Variants in KANSL1 observed in about 807,000 individuals in gnomAD.
KANSL1 encodes KAT8 regulatory NSL complex subunit 1, also known as MLL1/MLL complex subunit KANSL1.
A neutral mutation model predicts 103.6 loss-of-function variants in KANSL1; 22 were observed. The observed-to-expected ratio is 0.21, with a 90% CI of 0.15 to 0.30. The LOEUF (loss-of-function observed/expected upper bound fraction) is 0.30, where lower values mean the gene tolerates loss of function less well. KANSL1 is among the 10% of genes least tolerant of loss of function. KANSL1 has a pLI of 1.00. For synonymous variants in KANSL1, 600 were observed against 527.6 expected (o/e 1.14, Z -1.88); for missense variants, 1,337 against 1,399.8 (o/e 0.96, Z 0.72).
At chr17:46,123,554 G>A (rs1255954420) in intron 2 of KANSL1, among the ~76,000 whole-genome samples, 2 of 152,176 alleles carry the variant, frequency 1.3e-5, no homozygotes, top group South Asian at 2.1e-4. Context: ...CACACAAATC[G>A]TAAGCAAGAG....
chr17:46,140,341 T>C (rs1040486716), intron 2 of KANSL1, among the ~76,000 whole-genome samples: 1 of 152,100 alleles, frequency 6.6e-6, no homozygotes, highest in African/African-American at 2.4e-5. Flanking sequence ...CAACTGAATA[T>C]CCACTATCCA....
At chr17:46,225,071 G>A (rs1165678596), upstream of KANSL1, among the ~76,000 whole-genome samples, 3 of 151,684 alleles carry the variant, frequency 2.0e-5, no homozygotes, top group African/African-American at 7.2e-5. Context: ...CAGTCGGCCG[G>A]CAGCCGGCGT....
intron 1 of KANSL1, among the ~76,000 whole-genome samples, chr17:46,183,473 G>A (rs951725494): frequency 6.6e-6 from 1 of 152,106 alleles, no homozygotes; most frequent in African/African-American, 2.4e-5. Flanking sequence ...CTGGCGGGTG[G>A]AGGTCGCAGT....
intron 7 of KANSL1, among the ~76,000 whole-genome samples, chr17:46,049,240 C>CTTTTTT (rs34418861): frequency 6.6e-4 from 50 of 75,782 alleles, no homozygotes; most frequent in Non-Finnish European, 7.6e-4. Context: ...CATCCAAGAC[C>CTTTTTT]TTTTTTTTTT....
chr17:46,156,516 CCCT>C (rs1290886721), intron 2 of KANSL1, among the ~76,000 whole-genome samples: 2 of 152,326 alleles, frequency 1.3e-5, no homozygotes, highest in South Asian at 2.1e-4. Flanking sequence ...TCTAACCACT[CCCT>C]CCTCCTAAGA....
At chr17:46,074,079 G>A (rs963551030) in intron 4 of KANSL1, among the ~76,000 whole-genome samples, 1 of 152,094 alleles carries the variant, frequency 6.6e-6, no homozygotes, top group Non-Finnish European at 1.5e-5. Flanking sequence ...TGACACTTAC[G>A]AAGTAACAAT....
chr17:46,077,585 TCTCA>T (rs1170268552), intron 4 of KANSL1, among the ~76,000 whole-genome samples: 1 of 152,120 alleles, frequency 6.6e-6, no homozygotes, highest in African/African-American at 2.4e-5. Flanking sequence ...TGAGACGGAG[TCTCA>T]CTCTGTTGCC....
chr17:46,095,389 C>G lies in KANSL1; in HGVS notation c.1290-688G>C, dbSNP rs562520331. ...AAGAAATTTGCAAGAAGGCATGATG[C>G]AAATACACATTACCAGACAGCCAGA... On this transcript the variant is annotated intron_variant, in intron 2 of 14. Coordinates refer to ENST00000432791, the MANE Select transcript of KANSL1 (RefSeq NM_015443.4). 9.2e-5 allele frequency among the ~76,000 whole-genome samples: 14 copies of G among 152,202 alleles called. No individual in the cohort carries two copies. In the East Asian group the frequency reaches 2.7e-3, roughly 29 times the overall value.
At chr17:46,081,011 T>A (rs921270125) in intron 4 of KANSL1, among the ~76,000 whole-genome samples, 2 of 152,154 alleles carry the variant, frequency 1.3e-5, no homozygotes, top group Non-Finnish European at 2.9e-5. Context: ...AGTAAATGAA[T>A]GAAGGGTAGG....
At position 46,031,295 on chromosome 17, in the gene KANSL1, GAAACAAAAACA is replaced by G. The variant is rs1367349996; in HGVS notation, c.*170_*180del. ...CTCAGGTGTGTGACAAGAAAACATG[GAAACAAAAACA>G]AAACAAAAATTAAAACAAGAAAAAA... On this transcript the variant is annotated 3_prime_UTR_variant, in exon 15 of 15. Transcript: ENST00000432791. 6 of 671,368 alleles carry G rather than the reference GAAACAAAAACA, an allele frequency of 8.9e-6. No individual in the cohort carries two copies. The highest frequency in any genetic ancestry group is 5.5e-5 in the African/African-American group (3 of 54,980). 41.6% of individuals were successfully genotyped at this position (671,368 alleles called of 1,614,324 possible). A position where few individuals can be genotyped will look rare whatever the true frequency, so the allele number is the denominator to read the frequency against.
At chr17:46,185,763 T>C (rs2147870383) in intron 1 of KANSL1, among the ~76,000 whole-genome samples, 1 of 151,330 alleles carries the variant, frequency 6.6e-6, no homozygotes, top group African/African-American at 2.4e-5. Context: ...GGCTCATGCC[T>C]GTAATACCAG....
rs1203254155 is a variant in KANSL1, at chr17:46,193,068, G to A, written c.-335C>T. The A allele has an allele frequency of 2.0e-5, 3 of 152,616 alleles. No individual in the cohort carries two copies. The highest frequency in any genetic ancestry group is 2.1e-4 in the South Asian group (1 of 4,848). The allele number at this position is 152,616 out of a possible 1,614,324, so 9.5% of individuals were successfully genotyped here. On this transcript the variant is annotated 5_prime_UTR_variant, in exon 1 of 15. Transcript: ENST00000432791. ...GAGCGGCTGCTTTTTCTTCTCTTTCGGGCCCTTTCCCGGCCTTGCTCCGCA... is the reference window on the plus strand; with the variant it reads ...GAGCGGCTGCTTTTTCTTCTCTTTCAGGCCCTTTCCCGGCCTTGCTCCGCA...
chr17:46,181,643 GC>G (rs1350310138), intron 1 of KANSL1, among the ~76,000 whole-genome samples: 1 of 152,192 alleles, frequency 6.6e-6, no homozygotes, highest in Admixed American at 6.5e-5. Context: ...CGTTGGCCAG[GC>G]TGGTTTCGAA....
At chr17:46,116,624 A>C (rs1352313853) in intron 2 of KANSL1, among the ~76,000 whole-genome samples, 1 of 152,210 alleles carries the variant, frequency 6.6e-6, no homozygotes, top group Non-Finnish European at 1.5e-5. Context: ...GGAAGGAATA[A>C]TAAGTCAATT....
intron 1 of KANSL1, among the ~76,000 whole-genome samples, chr17:46,206,105 A>G (rs79601513): frequency 1.3e-5 from 2 of 150,836 alleles, no homozygotes; most frequent in African/African-American, 2.4e-5. Context: ...AAAAAAAAAA[A>G]GGAAAGATAT....
rs2046298993 is a variant in KANSL1 at position 46,171,659 on chromosome 17, G to A, written c.485C>T (p.Thr162Ile). Residue 162 changes from threonine to isoleucine, a missense_variant, in exon 2 of 15, where the codon ACT becomes ATT. Transcript: ENST00000432791. Reference protein sequence around the residue: ...APVNGLAKKLTKSSTHSDHDN... With the variant: ...APVNGLAKKLIKSSTHSDHDN... ...ATGATCAGAATGTGTTGAACTTTTA[G>A]TCAATTTCTTAGCCAACCCATTTAC... is the stretch of plus-strand genomic sequence containing the variant. The A allele has an allele frequency of 2.6e-6, 4 of 1,552,940 alleles. No individual in the cohort carries two copies. The South Asian group carries it at 4.9e-5, about 19-fold the overall frequency.
intron 1 of KANSL1, among the ~76,000 whole-genome samples, chr17:46,173,685 A>G (rs1239452308): frequency 6.6e-6 from 1 of 152,252 alleles, no homozygotes; most frequent in Non-Finnish European, 1.5e-5. Flanking sequence ...CTGGTACATT[A>G]TTAGCACAAA....
intron 3 of KANSL1, among the ~76,000 whole-genome samples, chr17:46,088,871 A>C (rs1308112037): frequency 2.6e-5 from 4 of 152,238 alleles, no homozygotes; most frequent in Non-Finnish European, 4.4e-5. Context: ...CCTGGGCAAC[A>C]GAGCAAGACC....
At chr17:46,128,013 G>A (rs2043662230) in intron 2 of KANSL1, among the ~76,000 whole-genome samples, 1 of 151,574 alleles carries the variant, frequency 6.6e-6, no homozygotes, top group Non-Finnish European at 1.5e-5. Context: ...ACAAAGTCTC[G>A]CTATATTGCC....
Sources: allele counts gnomAD v4.1 joint callset (sites outside exome capture counted in the v4.1 genomes callset), GRCh38; gene constraint gnomAD v4.1.1; transcripts MANE v1.5; gene names NCBI Gene and HGNC (gene_info 2026-07-23, HGNC 2026-07-21).